Variants in UST observed in about 807,000 individuals in gnomAD.
UST encodes uronyl 2-sulfotransferase.
A neutral mutation model predicts 45.6 loss-of-function variants in UST; 21 were observed. The observed-to-expected ratio is 0.46, with a 90% confidence interval of 0.33 to 0.66. The LOEUF (loss-of-function observed/expected upper bound fraction) is 0.66. UST is among the 30% of genes least tolerant of loss of function. The pLI is 0.02. For missense variants in UST, 463 were observed against 512.4 expected, an observed-to-expected ratio of 0.90 and a Z score of 0.93; for synonymous variants, 215 against 200.6, an observed-to-expected ratio of 1.07 and a Z score of -0.61.
intron 5 of UST, among the ~76,000 whole-genome samples, chr6:148,979,926 C>G (rs1014831391): frequency 1.5e-4 from 23 of 152,084 alleles, no homozygotes; most frequent in African/African-American, 5.6e-4. Flanking sequence ...CAGCATATGC[C>G]TTTTACTTTT....
At chr6:148,900,452 G>A (rs1001296203) in intron 2 of UST, among the ~76,000 whole-genome samples, 8 of 152,262 alleles carry the variant, frequency 5.3e-5, no homozygotes, top group African/African-American at 9.6e-5. Flanking sequence ...TAAGTCTCAC[G>A]AGATCTGATG....
intron 2 of UST, among the ~76,000 whole-genome samples, chr6:148,913,423 C>CTTTTTTT (rs34110477): frequency 0.026 from 2,064 of 79,810 alleles, 129 homozygotes; most frequent in African/African-American, 0.034. Context: ...GACCAAAAAT[C>CTTTTTTT]TTTTTTTTTT....
At chr6:149,009,273 A>G (rs2500538) in intron 5 of UST, among the ~76,000 whole-genome samples, 44,046 of 152,096 alleles carry the variant, frequency 0.29, 6,554 homozygotes, top group African/African-American at 0.36. Context: ...GAGCAAAAAG[A>G]CAGAGTAAGA....
At chr6:148,958,522 G>A (rs1582924361) in intron 4 of UST, among the ~76,000 whole-genome samples, 1 of 152,330 alleles carries the variant, frequency 6.6e-6, no homozygotes, top group East Asian at 1.9e-4. Flanking sequence ...GCTTCTCTTT[G>A]TTAGGATGTT....
chr6:148,948,739 A>C (rs950005646), intron 3 of UST, among the ~76,000 whole-genome samples: 1 of 152,170 alleles, frequency 6.6e-6, no homozygotes, highest in Non-Finnish European at 1.5e-5. Context: ...AAAGAAGAAA[A>C]TTTATATTCC....
chr6:149,033,566 G>A (rs1776188079), intron 7 of UST, among the ~76,000 whole-genome samples: 1 of 152,172 alleles, frequency 6.6e-6, no homozygotes, highest in African/African-American at 2.4e-5. Flanking sequence ...GTTCTAGTAA[G>A]CACGTTCATT....
At chr6:148,804,228 C>T (rs371502528) in intron 1 of UST, among the ~76,000 whole-genome samples, 2 of 152,162 alleles carry the variant, frequency 1.3e-5, no homozygotes, top group Non-Finnish European at 2.9e-5. Flanking sequence ...GTAGAATGCT[C>T]TCATCTCAGA....
chr6:148,883,936 A>G (rs1168874687), intron 1 of UST, among the ~76,000 whole-genome samples: 3 of 152,156 alleles, frequency 2.0e-5, no homozygotes, highest in Non-Finnish European at 2.9e-5. Context: ...GTTCAAGACC[A>G]GCCTGGCCAA....
chr6:148,940,060 C>T (rs1190784577), intron 2 of UST, among the ~76,000 whole-genome samples: 1 of 151,918 alleles, frequency 6.6e-6, no homozygotes, highest in Non-Finnish European at 1.5e-5. Flanking sequence ...GACATTTCTC[C>T]AAAGAAAATA....
chr6:148,924,398 A>G (rs775713034), intron 2 of UST, among the ~76,000 whole-genome samples: 39 of 152,262 alleles, frequency 2.6e-4, no homozygotes, highest in Non-Finnish European at 4.3e-4. Flanking sequence ...CCTAGGAGAC[A>G]ATCAGCAGCT....
At chr6:149,046,746 G>A (rs528903222) in intron 7 of UST, among the ~76,000 whole-genome samples, 2 of 152,186 alleles carry the variant, frequency 1.3e-5, no homozygotes, top group Non-Finnish European at 2.9e-5. Flanking sequence ...TTCCGTTTCC[G>A]TCTGCAATAG....
At chr6:148,820,296 T>TTCTC (rs1475012539) in intron 1 of UST, among the ~76,000 whole-genome samples, 1 of 151,790 alleles carries the variant, frequency 6.6e-6, no homozygotes, top group Non-Finnish European at 1.5e-5. Context: ...CATACTTGTT[T>TTCTC]TCTCTCTCTC....
intron 7 of UST, among the ~76,000 whole-genome samples, chr6:149,050,191 A>G (rs1776462942): frequency 6.6e-6 from 1 of 152,160 alleles, no homozygotes; most frequent in East Asian, 1.9e-4. Flanking sequence ...GATCTTTTCC[A>G]TTGCAGCATA....
At chr6:148,967,595 C>G (rs1780827642) in intron 5 of UST, among the ~76,000 whole-genome samples, 1 of 152,120 alleles carries the variant, frequency 6.6e-6, no homozygotes, top group South Asian at 2.1e-4. Flanking sequence ...TTGTTTGACT[C>G]AAAAGAGGGT....
chr6:148,913,423 CTTTTTTT>C lies in UST; in HGVS notation c.291+26413_291+26419del, dbSNP rs34110477. Among the ~76,000 whole-genome samples, 114 of 79,874 alleles carry C rather than the reference CTTTTTTT, an allele frequency of 1.4e-3. 2 individuals are homozygous for C. The highest frequency in any genetic ancestry group is 0.018 in the Middle Eastern group (2 of 114). The allele number at this position is 79,874 out of a possible 152,430, so 52.4% of individuals were successfully genotyped here. The stretch of plus-strand genomic sequence containing the variant: ...ACAGTCCGTATTTGGGACCAAAAAT[CTTTTTTT>C]TTTTTTTTTTTTTTTTTTGAGGATT... On this transcript the variant is annotated intron_variant, in intron 2 of 7. Transcript: ENST00000367463.
chr6:148,998,613 A>G (rs1433690476), intron 5 of UST, among the ~76,000 whole-genome samples: 5 of 151,922 alleles, frequency 3.3e-5, no homozygotes, highest in Non-Finnish European at 1.5e-5. Flanking sequence ...CCTAGAGAAA[A>G]CTCACAATGG....
intron 1 of UST, among the ~76,000 whole-genome samples, chr6:148,795,761 G>A (rs1776936756): frequency 6.6e-6 from 1 of 152,132 alleles, no homozygotes; most frequent in Admixed American, 6.5e-5. Context: ...CCATGACACA[G>A]ACTTGATTTG....
chr6:148,897,230 T>A (rs931327946), intron 2 of UST, among the ~76,000 whole-genome samples: 1 of 152,022 alleles, frequency 6.6e-6, no homozygotes. Context: ...TATAGTGGTA[T>A]GATCTCGGCT....
At chr6:149,005,969 G>C (rs963756280) in intron 5 of UST, among the ~76,000 whole-genome samples, 3 of 152,196 alleles carry the variant, frequency 2.0e-5, no homozygotes, top group Admixed American at 2.0e-4. Flanking sequence ...TTGCCTCAAG[G>C]AGGGTCCCCA....
Sources: allele counts gnomAD v4.1 joint callset (sites outside exome capture counted in the v4.1 genomes callset), GRCh38; gene constraint gnomAD v4.1.1; transcripts MANE v1.5; gene names NCBI Gene and HGNC (gene_info 2026-07-23, HGNC 2026-07-21).